The following FILIP1L variants were observed in gnomAD, a reference collection of about 807,000 sequenced individuals.
The protein encoded by FILIP1L is filamin A-interacting protein 1-like.
FILIP1L carries 55 observed loss-of-function variants against 96.6 expected under a neutral mutation model. That is an observed-to-expected ratio of 0.57 (90% CI 0.46 to 0.71). The LOEUF is 0.71. FILIP1L is among the 30% of genes least tolerant of loss of function. The pLI is 0.00. For synonymous variants in FILIP1L, 467 were observed against 473.9 expected (o/e 0.99, Z 0.19); for missense variants, 1,304 against 1,321.2 (o/e 0.99, Z 0.20).
chr3:99,913,170 T>G (rs2107641435), intron 4 of FILIP1L, among the ~76,000 whole-genome samples: 1 of 152,346 alleles, frequency 6.6e-6, no homozygotes, highest in Admixed American at 6.5e-5. Context: ...CTTCCAGAAC[T>G]GTGAGAAATA....
intron 1 of FILIP1L, among the ~76,000 whole-genome samples, chr3:100,099,971 C>A (rs2066277158): frequency 6.6e-6 from 1 of 152,120 alleles, no homozygotes; most frequent in Admixed American, 6.6e-5. Flanking sequence ...AGACTAACCA[C>A]AACTGGGAGG....
chr3:100,035,115 C>G (rs2065085017), intron 1 of FILIP1L, among the ~76,000 whole-genome samples: 1 of 152,050 alleles, frequency 6.6e-6, no homozygotes, highest in Non-Finnish European at 1.5e-5. Flanking sequence ...AATTGTTATC[C>G]AAATTGTATG....
intron 4 of FILIP1L, among the ~76,000 whole-genome samples, chr3:99,900,829 T>C (rs1706411767): frequency 6.6e-6 from 1 of 152,226 alleles, no homozygotes; most frequent in Non-Finnish European, 1.5e-5. Context: ...TTATCAGGTT[T>C]TTTAAAAGCT....
Position 100,001,536 on chromosome 3 carries a change from C to T in FILIP1L, c.-10-70506G>A, listed in dbSNP as rs556367846. On this transcript the variant is annotated intron_variant, in intron 1 of 5. Transcript: ENST00000477258. ...GTTCTGGGATTTTACATCTTTAAAA[C>T]TCTATCTGATTGCTTTTCGTAGGAA... Among the ~76,000 whole-genome samples the T allele has an allele frequency of 2.8e-4, 43 of 152,308 alleles. 1 individual carries two copies. Among genetic ancestry groups the T allele is most frequent in the African/African-American group, 1.0e-3 (42 of 41,574 alleles).
At chr3:99,983,642 A>T (rs1709239572) in intron 1 of FILIP1L, among the ~76,000 whole-genome samples, 1 of 147,638 alleles carries the variant, frequency 6.8e-6, no homozygotes, top group South Asian at 2.2e-4. Context: ...ATGAGCTGAG[A>T]TGGTGCCACT....
In FILIP1L at chr3:99,933,230, C is replaced by T. The variant is rs149166098; in HGVS notation, c.-10-2200G>A. ...ATGCATATATACACTGGTACAAATA[C>T]CTTGTCCGAAAAATGCCTATAGCCT... On this transcript the variant is annotated intron_variant, in intron 1 of 5. Transcript: ENST00000477258. 4.6e-3 allele frequency among the ~76,000 whole-genome samples: 702 copies of T among 152,240 alleles called. 2 individuals carry two copies. The highest frequency in any genetic ancestry group is 7.0e-3 in the South Asian group (34 of 4,826).
chr3:99,917,749 A>G (rs560291767), intron 4 of FILIP1L, among the ~76,000 whole-genome samples: 3 of 152,342 alleles, frequency 2.0e-5, no homozygotes, highest in African/African-American at 7.2e-5. Context: ...GCAGTAGGGT[A>G]TACCGAAATC....
intron 1 of FILIP1L, among the ~76,000 whole-genome samples, chr3:99,938,514 C>T (rs924827877): frequency 6.6e-6 from 1 of 152,150 alleles, no homozygotes; most frequent in African/African-American, 2.4e-5. Flanking sequence ...ATTTAACACC[C>T]CATACTTTGC....
intron 1 of FILIP1L, among the ~76,000 whole-genome samples, chr3:99,980,971 T>C (rs1171853718): frequency 6.6e-6 from 1 of 152,140 alleles, no homozygotes; most frequent in Non-Finnish European, 1.5e-5. Context: ...TTTAACCAAA[T>C]GAGGCATAAT....
At chr3:100,006,655 C>CAA (rs201648197) in intron 1 of FILIP1L, among the ~76,000 whole-genome samples, 21 of 134,048 alleles carry the variant, frequency 1.6e-4, no homozygotes, top group South Asian at 2.4e-4. Context: ...CTTTTCTTTC[C>CAA]AAAAAAAAAA....
chr3:100,108,423 T>C (rs1324304007), intron 1 of FILIP1L, among the ~76,000 whole-genome samples: 1 of 152,172 alleles, frequency 6.6e-6, no homozygotes, highest in Admixed American at 6.5e-5. Flanking sequence ...TTATCTGCAT[T>C]TTATGGCTGA....
rs540765008 is a variant in FILIP1L at position 99,888,932 on chromosome 3, A to G, written c.605+35298T>C. ...AATTTTTATAAACATATTTTTAGGT[A>G]GAGGAAGAGCATCTTTTTTGTCATT... On this transcript the variant is annotated intron_variant, in intron 4 of 5. Transcript: ENST00000477258. 2.6e-5 allele frequency among the ~76,000 whole-genome samples: 4 copies of G among 152,294 alleles called. 1 individual carries two copies. Among genetic ancestry groups the G allele is most frequent in the South Asian group, 2.1e-4 (1 of 4,824 alleles).
chr3:99,961,237 C>T (rs10936007), intron 1 of FILIP1L, among the ~76,000 whole-genome samples: 2 of 152,186 alleles, frequency 1.3e-5, no homozygotes, highest in African/African-American at 2.4e-5. Flanking sequence ...GGACTTGCCT[C>T]TTGCAGGTGT....
intron 1 of FILIP1L, among the ~76,000 whole-genome samples, chr3:99,939,969 T>C (rs1241316074): frequency 6.6e-6 from 1 of 152,224 alleles, no homozygotes; most frequent in Non-Finnish European, 1.5e-5. Flanking sequence ...GTTTTCTACG[T>C]GCTGCAGTCA....
At chr3:100,014,002 C>G (rs1710243587) in intron 1 of FILIP1L, among the ~76,000 whole-genome samples, 1 of 152,076 alleles carries the variant, frequency 6.6e-6, no homozygotes, top group African/African-American at 2.4e-5. Context: ...CTCCTGGCAA[C>G]TGCCACTCTA....
chr3:100,016,716 A>G (rs1039990233), intron 1 of FILIP1L, among the ~76,000 whole-genome samples: 1 of 152,216 alleles, frequency 6.6e-6, no homozygotes, highest in Admixed American at 6.5e-5. Flanking sequence ...AATCCTTTTT[A>G]TCCTTTCACT....
rs1710263670 is a variant in FILIP1L at position 100,014,597 on chromosome 3, T to A, written c.-10-83567A>T. Among the ~76,000 whole-genome samples the A allele has an allele frequency of 3.3e-5, 5 of 152,150 alleles. No individual in the cohort carries two copies. In the South Asian group the frequency reaches 1.0e-3, roughly 31 times the overall value. ...TTGTTTCCCTGATGTCTAGTGATGT[T>A]AAACATTTTTTCATATACCTGTTGG... is the stretch of plus-strand genomic sequence containing the variant. On this transcript the variant is annotated intron_variant, in intron 1 of 5. Coordinates refer to ENST00000477258, the MANE Select transcript of FILIP1L (RefSeq NM_001387850.1).
chr3:100,047,311 G>A (rs1392697334), intron 1 of FILIP1L, among the ~76,000 whole-genome samples: 1 of 152,146 alleles, frequency 6.6e-6, no homozygotes, highest in African/African-American at 2.4e-5. Flanking sequence ...TGAAGAAAAG[G>A]TGCTTCCAAA....
chr3:99,981,420 T>C (rs1329616077), intron 1 of FILIP1L, among the ~76,000 whole-genome samples: 1 of 152,138 alleles, frequency 6.6e-6, no homozygotes, highest in Non-Finnish European at 1.5e-5. Flanking sequence ...TTTGCTATAG[T>C]TCCTTATTTG....
Sources: allele counts gnomAD v4.1 joint callset (sites outside exome capture counted in the v4.1 genomes callset), GRCh38; gene constraint gnomAD v4.1.1; transcripts MANE v1.5; gene names NCBI Gene and HGNC (gene_info 2026-07-23, HGNC 2026-07-21).